ZYG11A: variants seen among roughly 807,000 people sequenced by gnomAD.
ZYG11A encodes the protein zyg-11 family member A, cell cycle regulator, also known as protein zyg-11 homolog A.
In ZYG11A, 62 loss-of-function variants were observed where a neutral mutation model predicts 77.2. The ratio of observed to expected loss-of-function variants is 0.80; its 90% CI spans 0.65 to 0.99. The LOEUF is 0.99. ZYG11A is among the 50% of genes least tolerant of loss of function. The probability of loss-of-function intolerance (pLI) is 0.00; values close to 1 mark genes in which losing one functional copy is unlikely to be tolerated. For synonymous variants in ZYG11A, 315 were observed against 324.6 expected, an observed-to-expected ratio of 0.97 and a Z score of 0.32; for missense variants, 828 against 896.8, an observed-to-expected ratio of 0.92 and a Z score of 0.98.
At chr1:52,871,784 C>T (rs763626401) in intron 8 of ZYG11A, among the ~76,000 whole-genome samples, 1 of 152,080 alleles carries the variant, frequency 6.6e-6, no homozygotes, top group Non-Finnish European at 1.5e-5. Context: ...TGTGCAGACA[C>T]CAGAATTGGC....
At chr1:52,847,308 ACCCACCTTGGCCT>A (rs999473848) in intron 1 of ZYG11A, among the ~76,000 whole-genome samples, 2 of 151,904 alleles carry the variant, frequency 1.3e-5, no homozygotes, top group African/African-American at 4.8e-5. Context: ...CTTGTGATCC[ACCCACCTTGGCCT>A]CCCAAAGTGC....
chr1:52,890,896 TTTTTC>T (rs1256535865), intron 13 of ZYG11A, among the ~76,000 whole-genome samples: 1 of 151,816 alleles, frequency 6.6e-6, no homozygotes, highest in Non-Finnish European at 1.5e-5. Context: ...GGTCTAAATC[TTTTTC>T]TTTTCTTTTC....
In ZYG11A at chr1:52,852,268, C is replaced by T. The variant is rs184493398; in HGVS notation, c.91-2197C>T. Among the ~76,000 whole-genome samples the T allele has an allele frequency of 9.7e-3, 1,469 of 150,868 alleles. 33 individuals carry two copies. The highest frequency in any genetic ancestry group is 0.033 in the African/African-American group (1,373 of 41,002). On this transcript the variant is annotated intron_variant, in intron 1 of 13. Coordinates refer to ENST00000371528, the MANE Select transcript of ZYG11A (RefSeq NM_001004339.3). ...TTCACCGTGTTGGCCAGGCTGGTCT[C>T]GAACTCCTGACCTCATGATCCACCC...
At chr1:52,843,557 G>GC (rs140076947) in intron 1 of ZYG11A, among the ~76,000 whole-genome samples, 2,918 of 152,238 alleles carry the variant, frequency 0.019, 91 homozygotes, top group African/African-American at 0.066. Context: ...CCGCGCGTCC[G>GC]CCCCCGTCCC....
intron 10 of ZYG11A, among the ~76,000 whole-genome samples, chr1:52,880,824 C>G (rs1344109235): frequency 5.3e-5 from 8 of 152,152 alleles, no homozygotes; most frequent in Admixed American, 1.3e-4. Context: ...CCGGTGGAGC[C>G]TCCAGGTGAA....
chr1:52,848,302 G>A (rs1236603256), intron 1 of ZYG11A, among the ~76,000 whole-genome samples: 2 of 152,116 alleles, frequency 1.3e-5, no homozygotes, highest in South Asian at 2.1e-4. Flanking sequence ...GCACTCGCCC[G>A]ACATGCTTTG....
intron 10 of ZYG11A, among the ~76,000 whole-genome samples, chr1:52,878,181 T>C (rs1160753220): frequency 2.0e-5 from 3 of 152,196 alleles, no homozygotes; most frequent in Non-Finnish European, 4.4e-5. Flanking sequence ...ACAGTAGCCA[T>C]TTAATTTACT....
rs1441385361 is a variant in ZYG11A at position 52,867,610 on chromosome 1, T to G, written c.1463T>G (p.Val488Gly). ...AACCCCAAGATGCAAACAATGGCAG[T>G]GAGTGTCACCTCTATTCTGGCTCTG... ...HENPKMQTMA[V>G]SVTSILALQL... Residue 488 changes from valine to glycine, a missense_variant, in exon 7 of 14, where the codon GTG (valine) becomes GGG (glycine). By Grantham distance (109) the Val-to-Gly change is moderately radical. Transcript: ENST00000371528. 11 of 1,552,170 alleles carry G rather than the reference T, an allele frequency of 7.1e-6. No homozygotes were observed. Among genetic ancestry groups the G allele is most frequent in the Non-Finnish European group, 9.6e-6 (11 of 1,147,108 alleles).
chr1:52,892,682 T>G, intron 13 of ZYG11A, 100 bp from the exon 14 acceptor site: 1 of 1,067,812 alleles, frequency 9.4e-7, no homozygotes, highest in Non-Finnish European at 1.4e-6. Flanking sequence ...CCAAAGAGCT[T>G]AAACCTTTGT....
rs1645840033 is a variant in ZYG11A, at chr1:52,857,638, T to G, written c.897T>G (p.Thr299=). The part of the protein sequence containing the change: ...SLDISGGNCI[T]DEAVELFIRL... The stretch of plus-strand genomic sequence containing the variant: ...ATATTTCTGGGGGCAATTGCATCAC[T>G]GATGAAGCTGTAGAACTGTTTATAC... Residue 299 remains threonine, a synonymous_variant, in exon 3 of 14, where the codon ACT becomes ACG. Transcript: ENST00000371528. 1 of 1,552,116 alleles carries G rather than the reference T, an allele frequency of 6.4e-7. No individual in the cohort carries two copies. The highest frequency in any genetic ancestry group is 8.7e-7 in the Non-Finnish European group (1 of 1,147,074).
rs1347022803 is a variant in ZYG11A at position 52,842,897 on chromosome 1, T to G, written c.14T>G (p.Leu5Trp). The change falls in exon 1 of 14, where the codon TTG (leucine) becomes TGG (tryptophan). Residue 5 changes from leucine (L) to tryptophan (W), a missense_variant. Leu to Trp is a moderately conservative substitution (Grantham distance 61). Coordinates refer to ENST00000371528, the MANE Select transcript of ZYG11A (RefSeq NM_001004339.3). ...GCCGGGGTTGCCATGGTTCATTTCTTGCACCCGGGCCACACGCCCCGGAAC... is the reference window on the plus strand; with the variant it reads ...GCCGGGGTTGCCATGGTTCATTTCTGGCACCCGGGCCACACGCCCCGGAAC... MVHF[L>W]HPGHTPRNIV... The G allele has an allele frequency of 2.0e-6, 3 of 1,532,188 alleles. No individual in the cohort carries two copies. The highest frequency in any genetic ancestry group is 2.6e-6 in the Non-Finnish European group (3 of 1,138,870). 94.9% of individuals were successfully genotyped at this position (1,532,188 alleles called of 1,614,324 possible).
intron 1 of ZYG11A, among the ~76,000 whole-genome samples, chr1:52,848,799 G>A (rs927818108): frequency 1.3e-5 from 2 of 152,118 alleles, no homozygotes; most frequent in African/African-American, 4.8e-5. Context: ...CCTGGGAAGT[G>A]GAGGTTGCAG....
intron 11 of ZYG11A, among the ~76,000 whole-genome samples, chr1:52,885,270 T>G (rs1019392560): frequency 3.3e-5 from 5 of 151,770 alleles, no homozygotes; most frequent in African/African-American, 1.2e-4. Flanking sequence ...CGTGCCAAAT[T>G]TTTAAGTCTC....
In ZYG11A at chr1:52,892,789, A is replaced by AG. The variant is rs1646568373; in HGVS notation, c.2112_2113insG (p.Tyr705ValfsTer7). 5.2e-6 allele frequency: 8 copies of AG among 1,551,410 alleles called. No homozygotes were observed. Among genetic ancestry groups the AG allele is most frequent in the African/African-American group, 1.4e-5 (1 of 73,014 alleles). On this transcript the variant is annotated frameshift_variant, in exon 14 of 14. Transcript: ENST00000371528. LOFTEE classifies it low-confidence loss of function (END_TRUNC). ...TGCTTGATTTTCTTTCAGCCAGCAAATACTGCAAAATGTTAGTTGAAGAAG... is the reference window on the plus strand; with the variant it reads ...TGCTTGATTTTCTTTCAGCCAGCAAAGTACTGCAAAATGTTAGTTGAAGAAG...
intron 10 of ZYG11A, among the ~76,000 whole-genome samples, chr1:52,879,843 A>G (rs1043049634): frequency 6.7e-6 from 1 of 149,462 alleles, no homozygotes; most frequent in African/African-American, 2.5e-5. Context: ...GCTCACTGCA[A>G]CCTCTGCCTC....
intron 1 of ZYG11A, among the ~76,000 whole-genome samples, chr1:52,853,805 G>A (rs1214039300): frequency 6.6e-6 from 1 of 152,140 alleles, no homozygotes; most frequent in Non-Finnish European, 1.5e-5. Context: ...TTACTCAGGA[G>A]GCTGAGTGGA....
At chr1:52,858,804 G>C (rs994525294) in intron 3 of ZYG11A, among the ~76,000 whole-genome samples, 4 of 151,470 alleles carry the variant, frequency 2.6e-5, no homozygotes, top group Admixed American at 6.6e-5. Flanking sequence ...AGTAGAGGCA[G>C]AGTTTCACTA....
At position 52,849,341 on chromosome 1, in the gene ZYG11A, T is replaced by A. The variant is rs564049638; in HGVS notation, c.91-5124T>A. ...CCTCAGCCTCCCAAAGTGCTGGGAT[T>A]ACAGGTGTGAGCCACCGCGCCCAGC... is the stretch of plus-strand genomic sequence containing the variant. On this transcript the variant is annotated intron_variant, in intron 1 of 13. Transcript: ENST00000371528. Among the ~76,000 whole-genome samples the A allele has an allele frequency of 3.9e-5, 6 of 152,154 alleles. No homozygotes were observed. The South Asian group carries it at 1.2e-3, about 32-fold the overall frequency.
intron 3 of ZYG11A, among the ~76,000 whole-genome samples, chr1:52,859,169 C>T (rs1216799328): frequency 2.0e-5 from 3 of 151,434 alleles, no homozygotes; most frequent in African/African-American, 4.9e-5. Flanking sequence ...AGCTGAGATC[C>T]CCAAATTTTT....
Sources: gnomAD v4.1 joint callset for allele counts (sites outside exome capture counted in the v4.1 genomes callset) on GRCh38, gnomAD v4.1.1 for gene constraint, MANE v1.5 for transcripts, NCBI Gene and HGNC (gene_info 2026-07-23, HGNC 2026-07-21) for gene names.